Variants in CERT1 observed in about 807,000 individuals in gnomAD.
CERT1 encodes ceramide transfer protein.
In CERT1, 31 loss-of-function variants were observed where a neutral mutation model predicts 87.9. The ratio of observed to expected loss-of-function variants is 0.35; its 90% CI spans 0.27 to 0.48. The LOEUF (loss-of-function observed/expected upper bound fraction) is 0.48. Ranked by LOEUF, CERT1 falls within the 20% of genes least tolerant of loss-of-function variation. CERT1 has a pLI of 0.99. For missense variants in CERT1, 487 were observed against 758.0 expected, an observed-to-expected ratio of 0.64 and a Z score of 4.20; for synonymous variants, 289 against 250.9, an observed-to-expected ratio of 1.15 and a Z score of -1.44.
intron 3 of CERT1, among the ~76,000 whole-genome samples, chr5:75,449,580 A>T (rs1036641834): frequency 1.3e-5 from 2 of 151,902 alleles, no homozygotes; most frequent in African/African-American, 4.8e-5. Flanking sequence ...AGCAGAGGGG[A>T]CCTCTAGGCT....
At chr5:75,444,548 C>CTTTTTTTTTT (rs952234196) in intron 3 of CERT1, among the ~76,000 whole-genome samples, 17 of 128,776 alleles carry the variant, frequency 1.3e-4, no homozygotes, top group East Asian at 2.1e-4. Flanking sequence ...CTTTTCTTTT[C>CTTTTTTTTTT]TTTTTTTTTT....
intron 1 of CERT1, among the ~76,000 whole-genome samples, chr5:75,509,380 G>T (rs1767807810): frequency 2.0e-5 from 3 of 152,066 alleles, no homozygotes; most frequent in Admixed American, 6.5e-5. Flanking sequence ...CCAGAAAACT[G>T]TATATAACCA....
intron 3 of CERT1, among the ~76,000 whole-genome samples, chr5:75,441,246 A>G (rs1580775537): frequency 1.3e-5 from 2 of 152,172 alleles, no homozygotes; most frequent in Admixed American, 1.3e-4. Context: ...GTACAATAGC[A>G]TGTTATACAG....
At chr5:75,418,953 T>C (rs1243690221) in intron 6 of CERT1, among the ~76,000 whole-genome samples, 3 of 152,206 alleles carry the variant, frequency 2.0e-5, no homozygotes, top group African/African-American at 7.2e-5. Flanking sequence ...AAATGGTATG[T>C]CAATTGTATC....
chr5:75,384,333 A>G (rs576663015), intron 14 of CERT1, among the ~76,000 whole-genome samples: 1 of 152,322 alleles, frequency 6.6e-6, no homozygotes, highest in African/African-American at 2.4e-5. Flanking sequence ...CAGGAGTTTG[A>G]GACTAGCCTG....
At chr5:75,505,950 T>C (rs758713670) in intron 2 of CERT1, 32 bp downstream of exon 2, 3 of 1,582,142 alleles carry the variant, frequency 1.9e-6, no homozygotes, top group Admixed American at 3.4e-5. Context: ...ACTCAATAAA[T>C]ATTTGTTGAA....
rs1422832267 is a variant in CERT1 at position 75,406,259 on chromosome 5, T to G, written c.931-3201A>C. On this transcript the variant is annotated intron_variant, in intron 8 of 16. Transcript: ENST00000643780. ...CAGTTCCCCTGAGGAAAAATATTAT[T>G]TTGCTTCTGACTACTGGAAAACACT... 2.0e-5 allele frequency among the ~76,000 whole-genome samples: 3 copies of G among 152,246 alleles called. No homozygotes were observed. The East Asian group carries it at 5.8e-4, about 29-fold the overall frequency.
At position 75,503,949 on chromosome 5, in the gene CERT1, T is replaced by A. The variant is rs1041743437; in HGVS notation, c.231+2033A>T. Among the ~76,000 whole-genome samples, 17 of 149,666 alleles carry A rather than the reference T, an allele frequency of 1.1e-4. 1 individual carries two copies. The highest frequency in any genetic ancestry group is 9.9e-4 in the Admixed American group (15 of 15,152). ...TTTTCTCCAAATAAGCCAGGCAACATTATTATAGTCCATAATTCAAGACAG... is the reference window on the plus strand; with the variant it reads ...TTTTCTCCAAATAAGCCAGGCAACAATATTATAGTCCATAATTCAAGACAG... On this transcript the variant is annotated intron_variant, in intron 2 of 16. Coordinates refer to ENST00000643780, the MANE Select transcript of CERT1 (RefSeq NM_001379029.1).
chr5:75,493,104 C>A (rs1397856829), intron 2 of CERT1, among the ~76,000 whole-genome samples: 1 of 152,188 alleles, frequency 6.6e-6, no homozygotes, highest in Non-Finnish European at 1.5e-5. Context: ...GCATATCTTT[C>A]AGCAGAAGAC....
In CERT1 at chr5:75,511,607, T is replaced by C. The variant is rs1388266185; in HGVS notation, c.-400A>G. The C allele has an allele frequency of 2.0e-6, 3 of 1,467,710 alleles. No individual in the cohort carries two copies. The highest frequency in any genetic ancestry group is 1.8e-6 in the Non-Finnish European group (2 of 1,109,030). 90.9% of individuals were successfully genotyped at this position (1,467,710 alleles called of 1,614,324 possible). On this transcript the variant is annotated 5_prime_UTR_variant, in exon 1 of 17. An upstream start codon of the reference 5' UTR is lost. Transcript: ENST00000643780. ...ACTCACACCTCCGCTACCGCCGCCA[T>C]CTTCCTGCCTGGCCCACTATTTACC...
chr5:75,417,592 A>G (rs984919359), intron 6 of CERT1, among the ~76,000 whole-genome samples: 39 of 152,220 alleles, frequency 2.6e-4, no homozygotes, highest in African/African-American at 8.4e-4. Context: ...AGAAATCATA[A>G]TATTCTATAG....
At chr5:75,423,275 T>G (rs1316127052) in intron 5 of CERT1, among the ~76,000 whole-genome samples, 3 of 152,228 alleles carry the variant, frequency 2.0e-5, no homozygotes, top group Non-Finnish European at 4.4e-5. Flanking sequence ...ATATTCTATA[T>G]GTATCCTGTT....
intron 5 of CERT1, among the ~76,000 whole-genome samples, chr5:75,421,038 A>AG (rs1763356626): frequency 6.6e-6 from 1 of 152,166 alleles, no homozygotes; most frequent in Non-Finnish European, 1.5e-5. Context: ...CAAACTCCTG[A>AG]GCTCAAGCAA....
At chr5:75,411,774 C>T (rs1762943615) in intron 7 of CERT1, among the ~76,000 whole-genome samples, 1 of 152,120 alleles carries the variant, frequency 6.6e-6, no homozygotes, top group South Asian at 2.1e-4. Flanking sequence ...CTTCCCCTTC[C>T]CACCAACCCC....
At chr5:75,437,262 C>T (rs1351886703) in intron 3 of CERT1, among the ~76,000 whole-genome samples, 2 of 152,174 alleles carry the variant, frequency 1.3e-5, no homozygotes, top group African/African-American at 4.8e-5. Flanking sequence ...TGTATTTCTT[C>T]AAGTTCCACT....
Position 75,511,346 on chromosome 5 carries a change from G to C in CERT1, c.-139C>G. 1 of 1,544,092 alleles carries C rather than the reference G, an allele frequency of 6.5e-7. No individual in the cohort carries two copies. The highest frequency in any genetic ancestry group is 8.7e-7 in the Non-Finnish European group (1 of 1,145,988). On this transcript the variant is annotated 5_prime_UTR_variant, in exon 1 of 17. Transcript: ENST00000643780. ...CCGGTGTGGGGGGGAGCAGGAGGAG[G>C]GACGAAGTCCGCCCGCCGCGCCGCC... is the stretch of plus-strand genomic sequence containing the variant.
At chr5:75,392,969 CAAAAAAAAAAAAAAAAA>C (rs1198217217) in intron 11 of CERT1, among the ~76,000 whole-genome samples, 1 of 8,690 alleles carries the variant, frequency 1.2e-4, no homozygotes, top group Non-Finnish European at 1.9e-4. Flanking sequence ...GACTCCGTCT[CAAAAAAAAAAAAAAAAA>C]AAAAAAAAAA....
At chr5:75,382,516 T>A (rs1398802409) in intron 14 of CERT1, among the ~76,000 whole-genome samples, 1 of 152,042 alleles carries the variant, frequency 6.6e-6, no homozygotes, top group Non-Finnish European at 1.5e-5. Context: ...GAAAAAAGAC[T>A]TATTTGAATC....
chr5:75,463,591 T>C (rs1765330525), intron 2 of CERT1, among the ~76,000 whole-genome samples: 2 of 152,190 alleles, frequency 1.3e-5, no homozygotes, highest in South Asian at 4.1e-4. Context: ...AAAAAACTTA[T>C]CACCAAAATT....
Sources: allele counts gnomAD v4.1 joint callset (sites outside exome capture counted in the v4.1 genomes callset), GRCh38; gene constraint gnomAD v4.1.1; transcripts MANE v1.5; gene names NCBI Gene and HGNC (gene_info 2026-07-23, HGNC 2026-07-21).